SGTB: variants seen among roughly 807,000 people sequenced by gnomAD.
SGTB encodes the protein small glutamine rich tetratricopeptide repeat co-chaperone beta.
Under a neutral mutation model 43.9 loss-of-function variants are expected in SGTB, and 19 were observed. That is an observed-to-expected ratio of 0.43 (90% confidence interval 0.30 to 0.63). The LOEUF is 0.63. SGTB is among the 30% of genes least tolerant of loss of function. The pLI is 0.12. For synonymous variants in SGTB, 116 were observed against 117.3 expected (o/e 0.99, Z 0.07); for missense variants, 304 against 358.9 (o/e 0.85, Z 1.24).
chr5:65,683,814 C>T (rs1757446540), intron 6 of SGTB, among the ~76,000 whole-genome samples: 1 of 151,806 alleles, frequency 6.6e-6, no homozygotes, highest in African/African-American at 2.4e-5. Context: ...GGCATGGTGG[C>T]GGGTGCCTGT....
intron 4 of SGTB, among the ~76,000 whole-genome samples, chr5:65,704,635 A>G (rs762329108): frequency 6.6e-6 from 1 of 152,240 alleles, no homozygotes; most frequent in Non-Finnish European, 1.5e-5. Flanking sequence ...GACTTAAAAG[A>G]GTAAATGCAA....
At chr5:65,719,703 T>A (rs530495106) in intron 2 of SGTB, among the ~76,000 whole-genome samples, 36 of 152,306 alleles carry the variant, frequency 2.4e-4, no homozygotes, top group Non-Finnish European at 4.6e-4. Flanking sequence ...TTGTACTGAA[T>A]TTAAATTTTA....
intron 5 of SGTB, among the ~76,000 whole-genome samples, chr5:65,704,048 A>AAT (rs1561163344): frequency 6.7e-6 from 1 of 149,024 alleles, no homozygotes; most frequent in Non-Finnish European, 1.5e-5. Context: ...AAAAAAAAAA[A>AAT]AAAATAAATA....
intron 5 of SGTB, among the ~76,000 whole-genome samples, chr5:65,686,383 T>C (rs1403649524): frequency 6.6e-6 from 1 of 152,158 alleles, no homozygotes; most frequent in East Asian, 1.9e-4. Flanking sequence ...GAACTTAGGC[T>C]CCTTCATGTT....
rs200546839 is a variant in SGTB at position 65,704,368 on chromosome 5, G to A, written c.285C>T (p.His95=). 2.5e-5 allele frequency: 41 copies of A among 1,610,902 alleles called. No homozygotes were observed. Among genetic ancestry groups the A allele is most frequent in the Non-Finnish European group, 2.8e-5 (33 of 1,178,516 alleles). ...CAGCAGCATAATTTTCTTCTTTCAT[G>A]TGGTTATTGCCTAAAATAAAGTAAC... ...ADQLKDEGNN[H]MKEENYAAAV... is the part of the protein sequence containing the mutation. Residue 95 remains histidine (H), a synonymous_variant, in exon 5 of 11, where the codon CAC becomes CAT. Coordinates refer to ENST00000381007, the MANE Select transcript of SGTB (RefSeq NM_019072.3).
chr5:65,695,966 C>A (rs1757707431), intron 5 of SGTB, among the ~76,000 whole-genome samples: 1 of 152,212 alleles, frequency 6.6e-6, no homozygotes, highest in Admixed American at 6.5e-5. Context: ...AGAGATTCAA[C>A]AACAAGCTCA....
At position 65,670,971 on chromosome 5, in the gene SGTB, G is replaced by A. The variant is rs144900777; in HGVS notation, c.804-614C>T. The stretch of plus-strand genomic sequence containing the variant: ...AGATTCAAAAAGCAAAGTTGTCTTC[G>A]CCAATTTGATATAAGTGAAGGCAAT... On this transcript the variant is annotated intron_variant, in intron 10 of 10. Transcript: ENST00000381007. Among the ~76,000 whole-genome samples the A allele has an allele frequency of 4.7e-3, 716 of 152,256 alleles. 3 individuals carry two copies. The highest frequency in any genetic ancestry group is 7.9e-3 in the Non-Finnish European group (536 of 68,010).
intron 5 of SGTB, among the ~76,000 whole-genome samples, chr5:65,692,705 A>G (rs1187089949): frequency 1.3e-5 from 2 of 152,228 alleles, no homozygotes; most frequent in Admixed American, 1.3e-4. Context: ...CTGGATAAAA[A>G]CACATAGCTA....
chr5:65,716,610 G>C (rs1038441071), intron 2 of SGTB, among the ~76,000 whole-genome samples: 1 of 152,168 alleles, frequency 6.6e-6, no homozygotes, highest in African/African-American at 2.4e-5. Flanking sequence ...CAAGTTTCTG[G>C]CCTGAGCAAC....
chr5:65,676,687 T>C (rs1267514440), intron 8 of SGTB, among the ~76,000 whole-genome samples: 1 of 152,054 alleles, frequency 6.6e-6, no homozygotes, highest in Non-Finnish European at 1.5e-5. Flanking sequence ...ACATGGAAAT[T>C]GAACAACCTG....
At chr5:65,716,980 A>C (rs1758164689) in intron 2 of SGTB, among the ~76,000 whole-genome samples, 1 of 152,130 alleles carries the variant, frequency 6.6e-6, no homozygotes, top group African/African-American at 2.4e-5. Context: ...AGAAGCAAAC[A>C]ATGAGATAAG....
intron 2 of SGTB, among the ~76,000 whole-genome samples, chr5:65,720,184 C>T (rs1758234713): frequency 6.6e-6 from 1 of 151,024 alleles, no homozygotes; most frequent in South Asian, 2.1e-4. Flanking sequence ...TGGGTTTAAG[C>T]CACCCTCCTA....
chr5:65,668,213 A>G lies in SGTB; in HGVS notation c.*2033T>C, dbSNP rs1757080592. The stretch of plus-strand genomic sequence containing the variant: ...GTGATCCCCCCTGCCTTGGCCTCCC[A>G]AAGTGCTGGGATTACAGGCATGAGC... On this transcript the variant is annotated 3_prime_UTR_variant, in exon 11 of 11. Transcript: ENST00000381007. The G allele has an allele frequency of 6.6e-6, 1 of 150,840 alleles. No homozygotes were observed. The highest frequency in any genetic ancestry group is 6.6e-5 in the Admixed American group (1 of 15,088). The allele number at this position is 150,840 out of a possible 1,614,324, so 9.3% of individuals were successfully genotyped here.
Position 65,672,657 on chromosome 5 carries a change from T to C in SGTB, c.682-376A>G, listed in dbSNP as rs147008598. On this transcript the variant is annotated intron_variant, in intron 8 of 10. Coordinates refer to ENST00000381007, the MANE Select transcript of SGTB (RefSeq NM_019072.3). ...GAGCTTTTAAGAGATGTGACTTTGC[T>C]CCATGGGGCCCAGCAATTTCAATCC... Among the ~76,000 whole-genome samples the C allele has an allele frequency of 2.6e-5, 4 of 152,326 alleles. No individual in the cohort carries two copies. The East Asian group carries it at 7.7e-4, about 29-fold the overall frequency.
chr5:65,717,830 T>C (rs1448277149), intron 2 of SGTB, among the ~76,000 whole-genome samples: 2 of 152,160 alleles, frequency 1.3e-5, no homozygotes, highest in Non-Finnish European at 2.9e-5. Flanking sequence ...TGTGTTTTGC[T>C]CCATTTATTT....
intron 8 of SGTB, among the ~76,000 whole-genome samples, chr5:65,675,560 A>G (rs1757250439): frequency 6.6e-6 from 1 of 152,150 alleles, no homozygotes; most frequent in South Asian, 2.1e-4. Flanking sequence ...CAGGAGGTAC[A>G]TGGACACGTT....
At chr5:65,688,837 T>G (rs1407268705) in intron 5 of SGTB, among the ~76,000 whole-genome samples, 1 of 152,180 alleles carries the variant, frequency 6.6e-6, no homozygotes, top group Non-Finnish European at 1.5e-5. Context: ...TTAGGTGGAG[T>G]CTTGCTCTGT....
At chr5:65,703,580 A>G (rs1757864202) in intron 5 of SGTB, among the ~76,000 whole-genome samples, 1 of 152,062 alleles carries the variant, frequency 6.6e-6, no homozygotes, top group African/African-American at 2.4e-5. Flanking sequence ...TTAGCCAGGC[A>G]TGGTGGTGTG....
intron 8 of SGTB, among the ~76,000 whole-genome samples, chr5:65,678,318 C>T (rs1454406070): frequency 6.6e-6 from 1 of 152,200 alleles, no homozygotes; most frequent in East Asian, 1.9e-4. Context: ...TCAAGGAGAA[C>T]TACAAACCAC....
Sources: gnomAD v4.1 joint callset for allele counts (sites outside exome capture counted in the v4.1 genomes callset) on GRCh38, gnomAD v4.1.1 for gene constraint, MANE v1.5 for transcripts, NCBI Gene and HGNC (gene_info 2026-07-23, HGNC 2026-07-21) for gene names.